The following FAM240A variants were observed in gnomAD, a reference collection of about 807,000 sequenced individuals.
The protein encoded by FAM240A is protein FAM240A.
FAM240A carries 8 observed loss-of-function variants against 7.3 expected under a neutral mutation model. The ratio of observed to expected loss-of-function variants is 1.09; its 90% confidence interval spans 0.64 to 1.97. The LOEUF (loss-of-function observed/expected upper bound fraction) is 1.97. Among genes scored for constraint, FAM240A ranks in the 30% most tolerant of loss-of-function variants. The pLI, the probability that FAM240A is intolerant of heterozygous loss-of-function variation, is 0.00. For missense variants in FAM240A, 90 were observed against 102.2 expected, an observed-to-expected ratio of 0.88 and a Z score of 0.52; for synonymous variants, 32 against 35.9, an observed-to-expected ratio of 0.89 and a Z score of 0.38.
chr3:46,615,632 G>C (rs375253393), intron 1 of FAM240A, among the ~76,000 whole-genome samples: 2 of 151,998 alleles, frequency 1.3e-5, no homozygotes, highest in African/African-American at 4.8e-5. Context: ...ATCCTCTCTG[G>C]GGCATGCCAG....
chr3:46,624,972 T>G (rs1312112887), intron 2 of FAM240A, among the ~76,000 whole-genome samples, 156 bp from the exon 3 acceptor site: 1 of 149,622 alleles, frequency 6.7e-6, no homozygotes, highest in Non-Finnish European at 1.5e-5. Flanking sequence ...ATTATATATA[T>G]ATATATATAT....
Position 46,616,690 on chromosome 3 carries a change from TACACACACAC to T in FAM240A, c.16-463_16-454del, listed in dbSNP as rs3087116. Among the ~76,000 whole-genome samples, 83 of 143,636 alleles carry T rather than the reference TACACACACAC, an allele frequency of 5.8e-4. 1 individual carries two copies. Among genetic ancestry groups the T allele is most frequent in the Admixed American group, 1.0e-3 (15 of 14,430 alleles). The allele number at this position is 143,636 out of a possible 152,430, so 94.2% of individuals were successfully genotyped here. On this transcript the variant is annotated intron_variant, in intron 1 of 2. Transcript: ENST00000640551. ...TTTTTTAGGCTGAGTAGTATTCCAT[TACACACACAC>T]ACACACACACACACACACACACACA...
intron 2 of FAM240A, 140 bp downstream of exon 2, chr3:46,617,468 G>C (rs1242394521): frequency 5.0e-6 from 3 of 602,692 alleles, no homozygotes; most frequent in Non-Finnish European, 8.1e-6. Context: ...TTGCCCCACT[G>C]TCAACATCTG....
At chr3:46,617,698 C>A (rs1697646740) in intron 2 of FAM240A, among the ~76,000 whole-genome samples, 1 of 152,210 alleles carries the variant, frequency 6.6e-6, no homozygotes, top group African/African-American at 2.4e-5. Flanking sequence ...CACCTTCTAG[C>A]ACATGAGGTT....
intron 2 of FAM240A, among the ~76,000 whole-genome samples, chr3:46,618,065 C>T (rs560022443): frequency 4.6e-5 from 7 of 152,194 alleles, no homozygotes; most frequent in African/African-American, 7.2e-5. Context: ...AGCTGTCTGA[C>T]GAGGCCATGG....
intron 1 of FAM240A, 89 bp from the exon 2 acceptor site, chr3:46,617,094 G>T: frequency 2.2e-6 from 2 of 911,368 alleles, no homozygotes; most frequent in South Asian, 3.8e-5. Context: ...TCTCATTGTG[G>T]TTTTAATTTA....
intron 2 of FAM240A, among the ~76,000 whole-genome samples, chr3:46,617,836 AG>A (rs1435764930): frequency 6.6e-6 from 1 of 152,108 alleles, no homozygotes; most frequent in Non-Finnish European, 1.5e-5. Flanking sequence ...TGGTTCCTGG[AG>A]GGGAAGGCGG....
intron 1 of FAM240A, among the ~76,000 whole-genome samples, chr3:46,615,712 T>A (rs73077560): frequency 6.6e-6 from 1 of 152,324 alleles, no homozygotes; most frequent in East Asian, 1.9e-4. Flanking sequence ...CAGGAACATC[T>A]GCAGCCCCTG....
chr3:46,624,794 G>A (rs1380655958), intron 2 of FAM240A, among the ~76,000 whole-genome samples: 2 of 151,830 alleles, frequency 1.3e-5, no homozygotes, highest in Admixed American at 6.6e-5. Flanking sequence ...TTTCACCTCT[G>A]CTGTTGAAAG....
In FAM240A at chr3:46,612,669, T is replaced by C. The variant is rs1448383269; in HGVS notation, c.-15T>C. 3.3e-6 allele frequency: 5 copies of C among 1,535,540 alleles called. No homozygotes were observed. The highest frequency in any genetic ancestry group is 4.4e-6 in the Non-Finnish European group (5 of 1,146,446). On this transcript the variant is annotated 5_prime_UTR_variant, in exon 1 of 3. Coordinates refer to ENST00000640551, the MANE Select transcript of FAM240A (RefSeq NM_001195442.2). ...CACATTTGGTTCGACTGAATCGATG[T>C]CTTCACATCCCTTCATGCGGTTGTT...
rs771188662 is a variant in FAM240A at position 46,625,100 on chromosome 3, C to T, written c.162-28C>T. On this transcript the variant is annotated intron_variant, in intron 2 of 2. Transcript: ENST00000640551. ...CCAAGAGCCATGGAAATGAATGCTCCATCTGTGTGTTTGGTTTCTATTTTC... is the reference window on the plus strand; with the variant it reads ...CCAAGAGCCATGGAAATGAATGCTCTATCTGTGTGTTTGGTTTCTATTTTC... 7 of 1,478,106 alleles carry T rather than the reference C, an allele frequency of 4.7e-6. No individual in the cohort carries two copies. In the South Asian group the frequency reaches 8.5e-5, roughly 18 times the overall value. 91.6% of individuals were successfully genotyped at this position (1,478,106 alleles called of 1,614,324 possible).
intron 2 of FAM240A, among the ~76,000 whole-genome samples, chr3:46,620,681 G>A (rs1354882425): frequency 6.6e-6 from 1 of 152,146 alleles, no homozygotes; most frequent in Admixed American, 6.5e-5. Context: ...AACTGCAAGG[G>A]AAGGGGAAAG....
At position 46,625,674 on chromosome 3, in the gene FAM240A, A is replaced by G. The variant is rs1697754874; in HGVS notation, c.*456A>G. On this transcript the variant is annotated 3_prime_UTR_variant, in exon 3 of 3. Transcript: ENST00000640551. ...TTTTTATGAGAAGAGAAATGCACCT[A>G]TCTGCAGAAATTAAAAAACAATTAT... 1 of 152,236 alleles carries G rather than the reference A, an allele frequency of 6.6e-6. No homozygotes were observed. The highest frequency in any genetic ancestry group is 2.1e-4 in the South Asian group (1 of 4,830). 9.4% of individuals were successfully genotyped at this position (152,236 alleles called of 1,614,324 possible).
chr3:46,612,595 G>A lies in FAM240A; in HGVS notation c.-89G>A. 1 of 996,920 alleles carries A rather than the reference G, an allele frequency of 1.0e-6. No homozygotes were observed. Among genetic ancestry groups the A allele is most frequent in the Non-Finnish European group, 1.5e-6 (1 of 654,842 alleles). The allele number at this position is 996,920 out of a possible 1,614,324, so 61.8% of individuals were successfully genotyped here. On this transcript the variant is annotated 5_prime_UTR_variant, in exon 1 of 3. Transcript: ENST00000640551. ...TTGTTCTTGTTGATTTGCTGAACGT[G>A]AATTGGCTCCTGGGGCAGCACAGAT... is the stretch of plus-strand genomic sequence containing the variant.
intron 2 of FAM240A, among the ~76,000 whole-genome samples, chr3:46,622,338 C>A (rs1173084773): frequency 6.6e-6 from 1 of 151,902 alleles, no homozygotes; most frequent in African/African-American, 2.4e-5. Flanking sequence ...AATCTTCTGA[C>A]CTCGTGATCT....
chr3:46,614,568 G>T (rs1379922478), intron 1 of FAM240A, among the ~76,000 whole-genome samples: 2 of 152,182 alleles, frequency 1.3e-5, no homozygotes, highest in Non-Finnish European at 2.9e-5. Flanking sequence ...CTATTTCTTA[G>T]AAAAACATGT....
intron 2 of FAM240A, among the ~76,000 whole-genome samples, chr3:46,623,915 T>C (rs1000695739): frequency 6.6e-6 from 1 of 152,170 alleles, no homozygotes; most frequent in African/African-American, 2.4e-5. Flanking sequence ...GTGCTATGTG[T>C]CCTCTATTTC....
Position 46,625,237 on chromosome 3 carries a change from A to G in FAM240A, c.*19A>G. ...TGGCTGAGAGCTTCCTGCTTCATTG[A>G]CACAAGAAGATGCAAAACACTGAGG... is the stretch of plus-strand genomic sequence containing the variant. On this transcript the variant is annotated 3_prime_UTR_variant, in exon 3 of 3. Coordinates refer to ENST00000640551, the MANE Select transcript of FAM240A (RefSeq NM_001195442.2). The G allele has an allele frequency of 6.6e-7, 1 of 1,514,122 alleles. No individual in the cohort carries two copies. Among genetic ancestry groups the G allele is most frequent in the East Asian group, 2.5e-5 (1 of 40,384 alleles). The allele number at this position is 1,514,122 out of a possible 1,614,324, so 93.8% of individuals were successfully genotyped here. A position where few individuals can be genotyped will look rare whatever the true frequency, so the allele number is the denominator to read the frequency against.
chr3:46,613,906 G>A (rs1019969754), intron 1 of FAM240A, among the ~76,000 whole-genome samples: 7 of 151,670 alleles, frequency 4.6e-5, no homozygotes, highest in African/African-American at 1.5e-4. Context: ...TGGGGTATTA[G>A]ATATTTGTTT....
Sources: allele counts gnomAD v4.1 joint callset (sites outside exome capture counted in the v4.1 genomes callset), GRCh38; gene constraint gnomAD v4.1.1; transcripts MANE v1.5; gene names NCBI Gene and HGNC (gene_info 2026-07-23, HGNC 2026-07-21).